Variants in MSI2 observed in about 807,000 individuals in gnomAD.
MSI2 encodes musashi RNA binding protein 2.
Under a neutral mutation model 45.6 loss-of-function variants are expected in MSI2, and 17 were observed. The ratio of observed to expected loss-of-function variants is 0.37; its 90% CI spans 0.26 to 0.56. The LOEUF is 0.56. Among genes scored for constraint, MSI2 ranks in the 20% least tolerant of loss-of-function variants. The pLI is 0.77. For synonymous variants in MSI2, 156 were observed against 158.2 expected (o/e 0.99, Z 0.11); for missense variants, 293 against 444.2 (o/e 0.66, Z 3.06).
At chr17:57,321,396 A>G (rs1913329799) in intron 5 of MSI2, among the ~76,000 whole-genome samples, 1 of 152,066 alleles carries the variant, frequency 6.6e-6, no homozygotes, top group South Asian at 2.1e-4. Flanking sequence ...AGAGAAGGAG[A>G]AAAAAGTGAT....
At chr17:57,283,068 C>T (rs1057065918) in intron 5 of MSI2, among the ~76,000 whole-genome samples, 4 of 152,018 alleles carry the variant, frequency 2.6e-5, no homozygotes, top group Non-Finnish European at 4.4e-5. Context: ...ACCCTCTGTA[C>T]CTCTTTAAAT....
intron 6 of MSI2, among the ~76,000 whole-genome samples, chr17:57,477,612 G>C (rs2143727660): frequency 6.6e-6 from 1 of 152,312 alleles, no homozygotes; most frequent in East Asian, 1.9e-4. Flanking sequence ...AAAGCCTACT[G>C]AGTGCTCTGA....
At chr17:57,563,746 G>GCGCGCACACA (rs534460755) in intron 7 of MSI2, among the ~76,000 whole-genome samples, 8 of 139,396 alleles carry the variant, frequency 5.7e-5, no homozygotes, top group African/African-American at 2.1e-4. Context: ...ACACAGGCGC[G>GCGCGCACACA]CACACACACA....
At chr17:57,256,849 T>A in intron 1 of MSI2, 45 bp downstream of exon 1, 1 of 1,394,946 alleles carries the variant, frequency 7.2e-7, no homozygotes, top group Non-Finnish European at 9.4e-7. Context: ...GGGCTCGCTC[T>A]CCTTGCAGCG....
At chr17:57,472,281 C>T (rs573383270) in intron 6 of MSI2, among the ~76,000 whole-genome samples, 13 of 152,344 alleles carry the variant, frequency 8.5e-5, no homozygotes, top group Admixed American at 8.5e-4. Context: ...GCAGGCACAC[C>T]TATGCTCAGT....
At chr17:57,602,434 C>G (rs1344304524) in intron 8 of MSI2, among the ~76,000 whole-genome samples, 4 of 152,194 alleles carry the variant, frequency 2.6e-5, no homozygotes, top group Non-Finnish European at 1.5e-5. Context: ...CTTACCACAA[C>G]CTCTGCCTCC....
chr17:57,300,476 C>T (rs553984878), intron 5 of MSI2, among the ~76,000 whole-genome samples: 5 of 152,152 alleles, frequency 3.3e-5, no homozygotes, highest in East Asian at 1.9e-4. Flanking sequence ...ATTTTTTCTG[C>T]GTGTACTACA....
At chr17:57,567,424 T>G (rs1850399638) in intron 7 of MSI2, among the ~76,000 whole-genome samples, 1 of 152,226 alleles carries the variant, frequency 6.6e-6, no homozygotes, top group Non-Finnish European at 1.5e-5. Context: ...TTAAATTGTG[T>G]GTGGATGTTC....
intron 6 of MSI2, among the ~76,000 whole-genome samples, chr17:57,490,478 G>A (rs2085848397): frequency 6.6e-6 from 1 of 152,164 alleles, no homozygotes; most frequent in Non-Finnish European, 1.5e-5. Context: ...TAAATGATTA[G>A]TCCCACTGAA....
chr17:57,513,481 G>C (rs969503550), intron 6 of MSI2, among the ~76,000 whole-genome samples: 1 of 152,164 alleles, frequency 6.6e-6, no homozygotes, highest in Non-Finnish European at 1.5e-5. Flanking sequence ...CCTGGGTCTA[G>C]GTGCCCTAGC....
At chr17:57,445,466 T>C (rs1297565619) in intron 6 of MSI2, among the ~76,000 whole-genome samples, 1 of 151,988 alleles carries the variant, frequency 6.6e-6, no homozygotes, top group East Asian at 1.9e-4. Flanking sequence ...CAGCTCAACA[T>C]GGTATCCTCA....
intron 5 of MSI2, among the ~76,000 whole-genome samples, chr17:57,392,498 G>C (rs939719711): frequency 3.3e-5 from 5 of 152,150 alleles, no homozygotes; most frequent in African/African-American, 9.7e-5. Context: ...TTATATTCCA[G>C]CTCCATATAG....
At chr17:57,444,986 C>G (rs2084869625) in intron 6 of MSI2, among the ~76,000 whole-genome samples, 1 of 152,188 alleles carries the variant, frequency 6.6e-6, no homozygotes, top group Non-Finnish European at 1.5e-5. Context: ...CCCTTTTCTC[C>G]TCACAATGCT....
At position 57,646,530 on chromosome 17, in the gene MSI2, C is replaced by T. The variant is rs191875895; in HGVS notation, c.728-5569C>T. 1.4e-4 allele frequency among the ~76,000 whole-genome samples: 22 copies of T among 152,278 alleles called. No homozygotes were observed. In the East Asian group the frequency reaches 3.1e-3, roughly 21 times the overall value. ...TCAAGCAAGGTCTGAGATGAAGGGA[C>T]GTTAGAGGTCATCTTGCCCAACCTC... On this transcript the variant is annotated intron_variant, in intron 10 of 13. Transcript: ENST00000284073.
intron 5 of MSI2, among the ~76,000 whole-genome samples, chr17:57,304,330 C>G (rs1291156663): frequency 2.1e-5 from 3 of 139,858 alleles, no homozygotes; most frequent in Non-Finnish European, 4.6e-5. Flanking sequence ...GCACTTCAGC[C>G]TGGGCGACAG....
intron 6 of MSI2, among the ~76,000 whole-genome samples, chr17:57,405,940 A>G (rs927964348): frequency 8.5e-5 from 13 of 152,334 alleles, no homozygotes; most frequent in Admixed American, 2.6e-4. Flanking sequence ...AAGTTCTCCA[A>G]GATCACTCAG....
At chr17:57,669,166 C>T (rs1309368981) in intron 11 of MSI2, among the ~76,000 whole-genome samples, 1 of 152,212 alleles carries the variant, frequency 6.6e-6, no homozygotes, top group Non-Finnish European at 1.5e-5. Context: ...CCCATTTGAC[C>T]ATCTGCAATT....
intron 5 of MSI2, among the ~76,000 whole-genome samples, chr17:57,343,084 C>T (rs1187085469): frequency 6.6e-6 from 1 of 152,160 alleles, no homozygotes; most frequent in Non-Finnish European, 1.5e-5. Context: ...GTCATGATGA[C>T]TTCTCTCAGA....
chr17:57,358,202 G>T (rs4794723), intron 5 of MSI2, among the ~76,000 whole-genome samples: 122,521 of 150,638 alleles, frequency 0.81, 49,813 homozygotes, highest in Middle Eastern at 0.88. Context: ...TGTGTGTGGG[G>T]GGGTGTGTGT....
Sources: allele counts gnomAD v4.1 joint callset (sites outside exome capture counted in the v4.1 genomes callset), GRCh38; gene constraint gnomAD v4.1.1; transcripts MANE v1.5; gene names NCBI Gene and HGNC (gene_info 2026-07-23, HGNC 2026-07-21).